The following CBLN2 variants were observed in gnomAD, a reference collection of about 807,000 sequenced individuals.
CBLN2 encodes the protein cerebellin 2 precursor.
CBLN2 carries 7 observed loss-of-function variants against 15.0 expected under a neutral mutation model. The ratio of observed to expected loss-of-function variants is 0.47; its 90% CI spans 0.27 to 0.88. CBLN2 has a LOEUF of 0.88. CBLN2 is among the 40% of genes least tolerant of loss of function. The probability of loss-of-function intolerance (pLI) is 0.14; values close to 1 mark genes in which losing one functional copy is unlikely to be tolerated. For missense variants in CBLN2, 242 were observed against 304.5 expected (o/e 0.79, Z 1.53); for synonymous variants, 149 against 135.2 (o/e 1.10, Z -0.71).
Position 72,559,909 on chromosome 18 carries a change from G to A in CBLN2, c.16-21137C>T, listed in dbSNP as rs550850779. Among the ~76,000 whole-genome samples the A allele has an allele frequency of 6.2e-4, 94 of 152,298 alleles. 3 individuals are homozygous for A. In the South Asian group the frequency reaches 0.018, roughly 30 times the overall value. ...CCTTGATTTTGTAGTCAGCTGCAAG[G>A]CAATCACCTCGGTGACACTTGTTAA... On this transcript the variant is annotated intron_variant, in intron 1 of 2. Coordinates refer to the CBLN2 transcript ENST00000581073.
At chr18:72,629,462 T>TA (rs1392236594) in intron 1 of CBLN2, among the ~76,000 whole-genome samples, 3 of 151,800 alleles carry the variant, frequency 2.0e-5, no homozygotes, top group South Asian at 2.1e-4. Flanking sequence ...GTTCATTAAT[T>TA]AAAAAAAATA....
chr18:72,555,732 C>G (rs948261202), intron 1 of CBLN2, among the ~76,000 whole-genome samples: 32 of 152,174 alleles, frequency 2.1e-4, no homozygotes, highest in African/African-American at 7.7e-4. Flanking sequence ...GTGACTCATT[C>G]ATGACCTTGT....
chr18:72,590,843 A>AATGAATACTAAATGAG (rs2069475611), intron 1 of CBLN2, among the ~76,000 whole-genome samples: 1 of 152,256 alleles, frequency 6.6e-6, no homozygotes, highest in South Asian at 2.1e-4. Flanking sequence ...TACTAAATGA[A>AATGAATACTAAATGAG]ATAAATACTA....
chr18:72,581,507 C>A (rs1457343242), intron 1 of CBLN2, among the ~76,000 whole-genome samples: 2 of 152,040 alleles, frequency 1.3e-5, no homozygotes, highest in Non-Finnish European at 2.9e-5. Flanking sequence ...GTATACTGAC[C>A]ATTTAAATCA....
At chr18:72,587,861 C>A (rs2069453926) in intron 1 of CBLN2, among the ~76,000 whole-genome samples, 1 of 152,124 alleles carries the variant, frequency 6.6e-6, no homozygotes, top group Non-Finnish European at 1.5e-5. Context: ...TCTGAAATAA[C>A]AATGAAATAG....
In CBLN2 at chr18:72,581,439, T is replaced by C. The variant is rs560466643; in HGVS notation, c.16-42667A>G. 3.9e-5 allele frequency among the ~76,000 whole-genome samples: 6 copies of C among 152,360 alleles called. No homozygotes were observed. In the South Asian group the frequency reaches 1.2e-3, roughly 32 times the overall value. On this transcript the variant is annotated intron_variant, in intron 1 of 2. Transcript: ENST00000581073. ...TTCTTATGGATGTTATAATAAATTT[T>C]ATTACTGTTTAATTTGTATTTCCTT...
At chr18:72,566,702 T>G (rs2069297440) in intron 1 of CBLN2, among the ~76,000 whole-genome samples, 1 of 152,192 alleles carries the variant, frequency 6.6e-6, no homozygotes, top group Non-Finnish European at 1.5e-5. Context: ...ATGTTACAGT[T>G]AGATAGGAAG....
chr18:72,588,498 C>T (rs1007899803), intron 1 of CBLN2, among the ~76,000 whole-genome samples: 2 of 152,192 alleles, frequency 1.3e-5, no homozygotes, highest in Admixed American at 6.5e-5. Context: ...TTTGCATTTT[C>T]AGTTTTGACT....
intron 1 of CBLN2, among the ~76,000 whole-genome samples, chr18:72,630,588 G>GAGAGAGA (rs1568137265): frequency 2.0e-5 from 3 of 150,480 alleles, no homozygotes; most frequent in South Asian, 2.1e-4. Context: ...GAGAGAGAGA[G>GAGAGAGA]GCTTTCTGTA....
intron 1 of CBLN2, among the ~76,000 whole-genome samples, chr18:72,577,477 C>A (rs2069375611): frequency 6.6e-6 from 1 of 152,152 alleles, no homozygotes; most frequent in African/African-American, 2.4e-5. Flanking sequence ...TCCATGCTGA[C>A]CCCTGTTCTC....
At chr18:72,621,515 A>G (rs1026671764) in intron 1 of CBLN2, among the ~76,000 whole-genome samples, 17 of 152,162 alleles carry the variant, frequency 1.1e-4, no homozygotes, top group Non-Finnish European at 1.5e-5. Context: ...TTTTGGATTG[A>G]CTTTATTACC....
rs566261459 is a variant in CBLN2, at chr18:72,603,847, G to A, written c.15+34478C>T. On this transcript the variant is annotated intron_variant, in intron 1 of 2. Transcript: ENST00000581073. ...CAGAAAAAATACATGGAATACACAT[G>A]TAAAGTAGCATAATGCTTCATCTTT... Among the ~76,000 whole-genome samples the A allele has an allele frequency of 6.6e-4, 100 of 152,314 alleles. 1 individual carries two copies. Among genetic ancestry groups the A allele is most frequent in the African/African-American group, 2.4e-3 (98 of 41,564 alleles).
chr18:72,629,024 C>G (rs1163820559), intron 1 of CBLN2, among the ~76,000 whole-genome samples: 1 of 152,166 alleles, frequency 6.6e-6, no homozygotes, highest in East Asian at 1.9e-4. Context: ...TGACCTTGAC[C>G]CTATTAAATA....
intron 1 of CBLN2, among the ~76,000 whole-genome samples, chr18:72,553,883 C>A (rs534868553): frequency 1.6e-3 from 236 of 152,092 alleles, no homozygotes; most frequent in Non-Finnish European, 2.9e-3. Flanking sequence ...TGGAGAAATT[C>A]GAAACATTTG....
chr18:72,589,042 T>C (rs2069460912), intron 1 of CBLN2, among the ~76,000 whole-genome samples: 1 of 152,148 alleles, frequency 6.6e-6, no homozygotes, highest in African/African-American at 2.4e-5. Flanking sequence ...TCTGGTCAGA[T>C]GTTGATTTTG....
At chr18:72,624,784 C>G (rs2144970871) in intron 1 of CBLN2, among the ~76,000 whole-genome samples, 1 of 152,198 alleles carries the variant, frequency 6.6e-6, no homozygotes, top group African/African-American at 2.4e-5. Context: ...AATAATTGGT[C>G]TGACAATTAG....
At chr18:72,612,041 A>G (rs1339625806) in intron 1 of CBLN2, among the ~76,000 whole-genome samples, 1 of 152,116 alleles carries the variant, frequency 6.6e-6, no homozygotes, top group Admixed American at 6.5e-5. Flanking sequence ...GTGAAAATAG[A>G]TGGCTGTTAA....
chr18:72,568,892 A>G (rs2069313209), intron 1 of CBLN2, among the ~76,000 whole-genome samples: 1 of 152,226 alleles, frequency 6.6e-6, no homozygotes, highest in African/African-American at 2.4e-5. Context: ...TCCAGTCTCT[A>G]ACAGTTATGT....
chr18:72,621,998 G>T (rs1284666263), intron 1 of CBLN2, among the ~76,000 whole-genome samples: 1 of 152,170 alleles, frequency 6.6e-6, no homozygotes, highest in Non-Finnish European at 1.5e-5. Context: ...AAAAGGGATT[G>T]CTGTGGGTTT....
Sources: gnomAD v4.1 joint callset for allele counts (sites outside exome capture counted in the v4.1 genomes callset) on GRCh38, gnomAD v4.1.1 for gene constraint, MANE v1.5 for transcripts, NCBI Gene and HGNC (gene_info 2026-07-23, HGNC 2026-07-21) for gene names.